MAML2: variants seen among roughly 807,000 people sequenced by gnomAD.
MAML2 encodes mastermind-like protein 2.
A neutral mutation model predicts 96.1 loss-of-function variants in MAML2; 22 were observed. The ratio of observed to expected loss-of-function variants is 0.23; its 90% CI spans 0.16 to 0.33. The LOEUF is 0.33. Ranked by LOEUF, MAML2 falls within the 10% of genes least tolerant of loss-of-function variation. The pLI is 1.00. For missense variants in MAML2, 1,367 were observed against 1,392.4 expected, an observed-to-expected ratio of 0.98 and a Z score of 0.29; for synonymous variants, 561 against 521.3, an observed-to-expected ratio of 1.08 and a Z score of -1.04.
chr11:95,990,696 C>A (rs1054394300), intron 3 of MAML2, among the ~76,000 whole-genome samples: 3 of 152,114 alleles, frequency 2.0e-5, no homozygotes, highest in Admixed American at 6.6e-5. Context: ...TTGTGATACC[C>A]TGCATTTCTG....
At chr11:96,054,877 A>AT (rs1043383715) in intron 2 of MAML2, among the ~76,000 whole-genome samples, 1 of 152,142 alleles carries the variant, frequency 6.6e-6, no homozygotes, top group Non-Finnish European at 1.5e-5. Context: ...AAAAAAATAA[A>AT]TTTTAAATAT....
At chr11:96,245,819 C>T (rs1230510259) in intron 1 of MAML2, among the ~76,000 whole-genome samples, 5 of 151,898 alleles carry the variant, frequency 3.3e-5, no homozygotes. Context: ...ATTCTCCTGC[C>T]TCAGCCTCCT....
intron 1 of MAML2, among the ~76,000 whole-genome samples, chr11:96,239,324 G>A (rs1384649610): frequency 1.3e-5 from 2 of 152,308 alleles, no homozygotes; most frequent in East Asian, 1.9e-4. Context: ...TAGAAGAGAC[G>A]GAAGTGAATA....
chr11:95,997,895 T>C (rs1219434222), intron 2 of MAML2, among the ~76,000 whole-genome samples: 3 of 152,160 alleles, frequency 2.0e-5, no homozygotes, highest in Non-Finnish European at 4.4e-5. Context: ...GTTTTAAAAT[T>C]ATCTCAAATC....
chr11:96,120,182 C>A (rs565486906), intron 1 of MAML2, among the ~76,000 whole-genome samples: 1 of 152,170 alleles, frequency 6.6e-6, no homozygotes, highest in Non-Finnish European at 1.5e-5. Context: ...TGGTCTCGAT[C>A]TCCTGACCTT....
chr11:96,074,133 G>A (rs767312442), intron 2 of MAML2, among the ~76,000 whole-genome samples: 6 of 152,000 alleles, frequency 3.9e-5, no homozygotes, highest in Non-Finnish European at 8.8e-5. Flanking sequence ...ATCCATGTCC[G>A]CTTCCATACT....
chr11:96,333,353 G>GAA (rs752748249), intron 1 of MAML2, among the ~76,000 whole-genome samples: 1 of 139,080 alleles, frequency 7.2e-6, no homozygotes, highest in African/African-American at 2.6e-5. Flanking sequence ...GGGAGTAAGC[G>GAA]AAAAAAAAAA....
chr11:96,161,240 G>C (rs1339274020), intron 1 of MAML2, among the ~76,000 whole-genome samples: 3 of 152,176 alleles, frequency 2.0e-5, no homozygotes, highest in African/African-American at 7.2e-5. Context: ...ATGTGGTGGG[G>C]AAGGCAAGGG....
intron 1 of MAML2, among the ~76,000 whole-genome samples, chr11:96,153,420 C>T (rs1860958582): frequency 6.6e-6 from 1 of 152,134 alleles, no homozygotes; most frequent in African/African-American, 2.4e-5. Context: ...AACATTCTGC[C>T]TATTGAATCT....
At chr11:95,993,042 A>T (rs975619478) in intron 2 of MAML2, among the ~76,000 whole-genome samples, 3 of 151,844 alleles carry the variant, frequency 2.0e-5, no homozygotes, top group Non-Finnish European at 4.4e-5. Flanking sequence ...CCACCTGGCT[A>T]ATTTTTAAAT....
intron 1 of MAML2, among the ~76,000 whole-genome samples, chr11:96,267,201 A>G (rs564838240): frequency 1.3e-5 from 2 of 152,330 alleles, no homozygotes; most frequent in South Asian, 4.1e-4. Context: ...TGATGAGTAA[A>G]GTACAGAAAC....
At chr11:96,028,215 T>G (rs1252981804) in intron 2 of MAML2, among the ~76,000 whole-genome samples, 2 of 152,242 alleles carry the variant, frequency 1.3e-5, no homozygotes, top group African/African-American at 4.8e-5. Context: ...AGATTTTTCC[T>G]CATATATTTG....
chr11:96,084,596 C>T (rs992474800), intron 2 of MAML2, among the ~76,000 whole-genome samples: 1 of 152,152 alleles, frequency 6.6e-6, no homozygotes, highest in Non-Finnish European at 1.5e-5. Flanking sequence ...TTCCACCTTT[C>T]AAGGCCTGCG....
At chr11:96,038,062 T>C (rs184867709) in intron 2 of MAML2, among the ~76,000 whole-genome samples, 1 of 152,276 alleles carries the variant, frequency 6.6e-6, no homozygotes, top group East Asian at 1.9e-4. Flanking sequence ...TCGTAAAATA[T>C]GAAAGCAGGT....
At chr11:96,144,286 A>C (rs1276831494) in intron 1 of MAML2, among the ~76,000 whole-genome samples, 1 of 152,252 alleles carries the variant, frequency 6.6e-6, no homozygotes, top group Non-Finnish European at 1.5e-5. Flanking sequence ...CATCTAGAGA[A>C]GAATTTTTAT....
At chr11:96,036,340 G>T (rs1241626397) in intron 2 of MAML2, among the ~76,000 whole-genome samples, 2 of 152,150 alleles carry the variant, frequency 1.3e-5, no homozygotes, top group Admixed American at 1.3e-4. Context: ...GTTCACTCTA[G>T]AGAGTTTTAT....
chr11:96,000,855 T>C (rs146920115), intron 2 of MAML2, among the ~76,000 whole-genome samples: 32 of 152,276 alleles, frequency 2.1e-4, no homozygotes, highest in African/African-American at 6.7e-4. Flanking sequence ...CAGAACAAAG[T>C]CTATTCGCTT....
At chr11:95,998,128 C>CAG (rs1858022236) in intron 2 of MAML2, among the ~76,000 whole-genome samples, 6 of 138,892 alleles carry the variant, frequency 4.3e-5, no homozygotes, top group Non-Finnish European at 7.7e-5. Flanking sequence ...ATCTATCTGT[C>CAG]TGTCTGTCTG....
intron 1 of MAML2, among the ~76,000 whole-genome samples, chr11:96,289,734 A>C (rs764931841): frequency 1.3e-4 from 20 of 152,186 alleles, no homozygotes; most frequent in Non-Finnish European, 2.4e-4. Context: ...CTTTTAGAGT[A>C]TGTATTTTAT....
Sources: gnomAD v4.1 joint callset for allele counts (sites outside exome capture counted in the v4.1 genomes callset) on GRCh38, gnomAD v4.1.1 for gene constraint, MANE v1.5 for transcripts, NCBI Gene and HGNC (gene_info 2026-07-23, HGNC 2026-07-21) for gene names.